EPS8: variants seen among roughly 807,000 people sequenced by gnomAD.
The protein encoded by EPS8 is EGFR pathway substrate 8, signaling adaptor.
Under a neutral mutation model 103.8 loss-of-function variants are expected in EPS8, and 42 were observed. The observed-to-expected ratio is 0.40, with a 90% CI of 0.32 to 0.52. The LOEUF (loss-of-function observed/expected upper bound fraction) is 0.52, where lower values mean the gene tolerates loss of function less well. Among genes scored for constraint, EPS8 ranks in the 20% least tolerant of loss-of-function variants. EPS8 has a pLI of 0.40. For missense variants in EPS8, 969 were observed against 1,005.1 expected, an observed-to-expected ratio of 0.96 and a Z score of 0.49; for synonymous variants, 344 against 344.6, an observed-to-expected ratio of 1.00 and a Z score of 0.02.
chr12:15,684,266 A>C lies in EPS8; in HGVS notation c.-21-1294T>G, dbSNP rs1946057925. On this transcript the variant is annotated intron_variant, in intron 1 of 20. Coordinates refer to ENST00000281172, the MANE Select transcript of EPS8 (RefSeq NM_004447.6). The surrounding 1 kb of genome is among the most constrained non-coding windows in gnomAD (Gnocchi z 4.9). ...GTCTCATTCTTCAGATCTCAGTTCA[A>C]TCACAATGTCCTCAGGGGAAGATTT... is the stretch of plus-strand genomic sequence containing the variant. The C allele has an allele frequency of 6.6e-6, 1 of 152,198 alleles. No individual in the cohort carries two copies. Among genetic ancestry groups the C allele is most frequent in the African/African-American group, 2.4e-5 (1 of 41,440 alleles). 9.4% of individuals were successfully genotyped at this position (152,198 alleles called of 1,614,324 possible).
chr12:15,633,321 T>C (rs1335604407), intron 17 of EPS8, among the ~76,000 whole-genome samples: 2 of 152,176 alleles, frequency 1.3e-5, no homozygotes. Context: ...TTAATGTATA[T>C]GCAATGTTCC....
intron 1 of EPS8, among the ~76,000 whole-genome samples, chr12:15,699,145 G>C (rs1457057470): frequency 6.6e-6 from 1 of 152,160 alleles, no homozygotes; most frequent in South Asian, 2.1e-4. Flanking sequence ...AGAGTCCAAA[G>C]ACCTATTCCT....
At position 15,704,955 on chromosome 12, in the gene EPS8, T is replaced by C. The variant is rs1185849272; in HGVS notation, c.-21-21983A>G. On this transcript the variant is annotated intron_variant, in intron 1 of 20. Transcript: ENST00000281172. The surrounding 1 kb of genome is among the most constrained non-coding windows in gnomAD (Gnocchi z 4.6). Reference sequence around the variant, plus strand: ...CTGTCCTTAAAATCCTGTGTGTATATACACACACACATACATATACATGTG... The same window carrying C: ...CTGTCCTTAAAATCCTGTGTGTATACACACACACACATACATATACATGTG... Among the ~76,000 whole-genome samples, 3 of 152,152 alleles carry C rather than the reference T, an allele frequency of 2.0e-5. No individual in the cohort carries two copies. Among genetic ancestry groups the C allele is most frequent in the East Asian group, 3.8e-4 (2 of 5,198 alleles).
At chr12:15,640,287 T>C (rs1945206007) in intron 17 of EPS8, among the ~76,000 whole-genome samples, 3 of 152,158 alleles carry the variant, frequency 2.0e-5, no homozygotes, top group African/African-American at 4.8e-5. Flanking sequence ...GCAGAACATT[T>C]AAGAGACTGA....
intron 18 of EPS8, among the ~76,000 whole-genome samples, chr12:15,628,967 A>G (rs570000389): frequency 6.6e-6 from 1 of 152,340 alleles, no homozygotes; most frequent in Non-Finnish European, 1.5e-5. Flanking sequence ...ATCAAGAAAT[A>G]TTTGTTTTAT....
At chr12:15,648,133 T>C (rs1945352280) in intron 14 of EPS8, among the ~76,000 whole-genome samples, 1 of 152,164 alleles carries the variant, frequency 6.6e-6, no homozygotes, top group Non-Finnish European at 1.5e-5. Flanking sequence ...AGGCACAGTT[T>C]CCAACAGGCC....
At chr12:15,737,602 G>C (rs1348920640) in intron 1 of EPS8, among the ~76,000 whole-genome samples, 2 of 152,118 alleles carry the variant, frequency 1.3e-5, no homozygotes, top group Non-Finnish European at 2.9e-5. Context: ...TGATAAAATT[G>C]AGGCATGAAG....
rs1591919174 is a variant in EPS8, at chr12:15,751,146, T to C, written c.-22+38015A>G. On this transcript the variant is annotated intron_variant, in intron 1 of 20. Coordinates refer to ENST00000281172, the MANE Select transcript of EPS8 (RefSeq NM_004447.6). This position sits in a 1 kb window ranked among gnomAD's most constrained non-coding sequence, Gnocchi z 4.3. The stretch of plus-strand genomic sequence containing the variant: ...GACGAGGCAGGCGGATCACTTGAGG[T>C]CAGGAGTTCGAGACCAGCCAGGCCA... 6.6e-6 allele frequency among the ~76,000 whole-genome samples: 1 copy of C among 152,020 alleles called. No homozygotes were observed. The highest frequency in any genetic ancestry group is 2.4e-5 in the African/African-American group (1 of 41,348).
chr12:15,694,036 A>G (rs1389694384), intron 1 of EPS8, among the ~76,000 whole-genome samples: 1 of 152,244 alleles, frequency 6.6e-6, no homozygotes, highest in Non-Finnish European at 1.5e-5. Flanking sequence ...CATTGAGCAC[A>G]TGTATCCCAG....
rs1946203440 is a variant in EPS8 at position 15,693,630 on chromosome 12, T to C, written c.-21-10658A>G. ...GAGTCCCTTTGTCTCACTGGCTTTCTGCATTTAAAAATCCCTTTACTGTTA... is the reference window on the plus strand; with the variant it reads ...GAGTCCCTTTGTCTCACTGGCTTTCCGCATTTAAAAATCCCTTTACTGTTA... On this transcript the variant is annotated intron_variant, in intron 1 of 20. Transcript: ENST00000281172. The surrounding 1 kb of genome is among the most constrained non-coding windows in gnomAD (Gnocchi z 5.6). 6.6e-6 allele frequency among the ~76,000 whole-genome samples: 1 copy of C among 152,234 alleles called. No individual in the cohort carries two copies. The highest frequency in any genetic ancestry group is 2.4e-5 in the African/African-American group (1 of 41,456).
At chr12:15,729,839 T>C (rs1946694252) in intron 1 of EPS8, among the ~76,000 whole-genome samples, 1 of 152,212 alleles carries the variant, frequency 6.6e-6, no homozygotes, top group African/African-American at 2.4e-5. Context: ...TAAGCAGGAA[T>C]ACAGTTTATT....
intron 1 of EPS8, among the ~76,000 whole-genome samples, chr12:15,705,711 T>C (rs1565509922): frequency 2.0e-5 from 3 of 152,192 alleles, no homozygotes. Context: ...TTATGGCAAA[T>C]CAGTTGTTGA....
At position 15,712,818 on chromosome 12, in the gene EPS8, G is replaced by C. The variant is rs1340565727; in HGVS notation, c.-21-29846C>G. 6 of 969,682 alleles carry C rather than the reference G, an allele frequency of 6.2e-6. No homozygotes were observed. In the Admixed American group the frequency reaches 3.1e-4, roughly 50 times the overall value. The allele number at this position is 969,682 out of a possible 1,614,324, so 60.1% of individuals were successfully genotyped here. ...ATTACGCCTTTGAGAGCCCTCCTTAGCAAAGAAAATATTAACAAATTCAAA... is the reference window on the plus strand; with the variant it reads ...ATTACGCCTTTGAGAGCCCTCCTTACCAAAGAAAATATTAACAAATTCAAA... On this transcript the variant is annotated intron_variant, in intron 1 of 20. Transcript: ENST00000281172.
chr12:15,644,304 C>A (rs1248476857), intron 15 of EPS8, among the ~76,000 whole-genome samples: 1 of 152,298 alleles, frequency 6.6e-6, no homozygotes, highest in East Asian at 1.9e-4. Context: ...TATAAATTTG[C>A]TCTGACCATG....
chr12:15,713,513 G>A lies in EPS8; in HGVS notation c.-21-30541C>T, dbSNP rs1015941962. Among the ~76,000 whole-genome samples the A allele has an allele frequency of 1.3e-5, 2 of 152,166 alleles. No individual in the cohort carries two copies. Among genetic ancestry groups the A allele is most frequent in the Admixed American group, 6.5e-5 (1 of 15,272 alleles). On this transcript the variant is annotated intron_variant, in intron 1 of 20. Transcript: ENST00000281172. The surrounding 1 kb of genome is among the most constrained non-coding windows in gnomAD (Gnocchi z 4.8). ...TCACTGGAGTCTCTTCAGCACTTAA[G>A]TATAGATTGAAATTGGTAACAAGAT... is the stretch of plus-strand genomic sequence containing the variant.
rs759609494 is a variant in EPS8, at chr12:15,700,701, T to TA, written c.-21-17730dup. On this transcript the variant is annotated intron_variant, in intron 1 of 20. Coordinates refer to ENST00000281172, the MANE Select transcript of EPS8 (RefSeq NM_004447.6). This position sits in a 1 kb window ranked among gnomAD's most constrained non-coding sequence, Gnocchi z 5.1. Reference sequence around the variant, plus strand: ...AACATGTGAAAAGCAGAACTTTTGGTAAAAGCATGCCTATTTATATCAAGG... The same window carrying TA: ...AACATGTGAAAAGCAGAACTTTTGGTAAAAAGCATGCCTATTTATATCAAGG... Among the ~76,000 whole-genome samples, 6 of 152,178 alleles carry TA rather than the reference T, an allele frequency of 3.9e-5. No homozygotes were observed. The highest frequency in any genetic ancestry group is 7.4e-5 in the Non-Finnish European group (5 of 68,024).
chr12:15,683,636 T>A (rs1309890764), intron 1 of EPS8: 1 of 152,164 alleles, frequency 6.6e-6, no homozygotes, highest in African/African-American at 2.4e-5. Context: ...AAAATCAATA[T>A]CAGATATTTA....
rs1946547204 is a variant in EPS8 at position 15,717,614 on chromosome 12, A to AGAAAT, written c.-21-34647_-21-34643dup. Among the ~76,000 whole-genome samples the AGAAAT allele has an allele frequency of 6.6e-6, 1 of 152,152 alleles. No homozygotes were observed. Among genetic ancestry groups the AGAAAT allele is most frequent in the Non-Finnish European group, 1.5e-5 (1 of 68,018 alleles). On this transcript the variant is annotated intron_variant, in intron 1 of 20. Transcript: ENST00000281172. This position sits in a 1 kb window ranked among gnomAD's most constrained non-coding sequence, Gnocchi z 4.3. Reference sequence around the variant, plus strand: ...AAAAAAAGAAAGAAAGAAAGAAAAAAGAAATGAAATGGACACTTCTTGGCA... The same window carrying AGAAAT: ...AAAAAAAGAAAGAAAGAAAGAAAAAAGAAATGAAATGAAATGGACACTTCTTGGCA...
rs1013155691 is a variant in EPS8 at position 15,784,667 on chromosome 12, C to T, written c.-22+4494G>A. On this transcript the variant is annotated intron_variant, in intron 1 of 20. Transcript: ENST00000281172. The surrounding 1 kb of genome is among the most constrained non-coding windows in gnomAD (Gnocchi z 4.0). ...ATCCAACGGATATAAGAACTTATGT[C>T]TACCCAAAAACCTGCATGTGAATAT... Among the ~76,000 whole-genome samples, 17 of 152,144 alleles carry T rather than the reference C, an allele frequency of 1.1e-4. No homozygotes were observed. The highest frequency in any genetic ancestry group is 3.4e-4 in the African/African-American group (14 of 41,458).
Sources: gnomAD v4.1 joint callset for allele counts (sites outside exome capture counted in the v4.1 genomes callset) on GRCh38, gnomAD v4.1.1 for gene constraint, Gnocchi (gnomAD v3.1) non-coding constraint, MANE v1.5 for transcripts, NCBI Gene and HGNC (gene_info 2026-07-23, HGNC 2026-07-21) for gene names.